The following PARP8 variants were observed in gnomAD, a reference collection of about 807,000 sequenced individuals.
PARP8 encodes the protein poly(ADP-ribose) polymerase family member 8.
Under a neutral mutation model 124.1 loss-of-function variants are expected in PARP8, and 51 were observed. The observed-to-expected ratio is 0.41, with a 90% CI of 0.33 to 0.52. PARP8 has a LOEUF of 0.52. Among genes scored for constraint, PARP8 ranks in the 20% least tolerant of loss-of-function variants. The probability of loss-of-function intolerance (pLI) is 0.21; values close to 1 mark genes in which losing one functional copy is unlikely to be tolerated. For synonymous variants in PARP8, 391 were observed against 361.5 expected (o/e 1.08, Z -0.93); for missense variants, 860 against 1,018.9 (o/e 0.84, Z 2.12).
intron 2 of PARP8, among the ~76,000 whole-genome samples, chr5:50,687,361 A>G (rs1001536734): frequency 3.3e-5 from 5 of 152,174 alleles, no homozygotes; most frequent in African/African-American, 9.7e-5. Context: ...TTTATTGTCC[A>G]TATTGCTATC....
At chr5:50,700,555 G>T (rs1033040373) in intron 2 of PARP8, among the ~76,000 whole-genome samples, 1 of 152,170 alleles carries the variant, frequency 6.6e-6, no homozygotes, top group African/African-American at 2.4e-5. Context: ...CTGTAATGCA[G>T]TGAAATTGGA....
intron 2 of PARP8, among the ~76,000 whole-genome samples, chr5:50,736,850 G>T (rs1561307099): frequency 6.6e-6 from 1 of 152,020 alleles, no homozygotes; most frequent in Non-Finnish European, 1.5e-5. Flanking sequence ...CAAAAAACCT[G>T]CAGTGAGAGT....
intron 2 of PARP8, among the ~76,000 whole-genome samples, chr5:50,733,378 A>G (rs555583708): frequency 2.0e-5 from 3 of 152,294 alleles, no homozygotes; most frequent in East Asian, 3.9e-4. Context: ...CTTGACTTTT[A>G]AAAACTGAAA....
chr5:50,778,667 T>C lies in PARP8; in HGVS notation c.670+17T>C, dbSNP rs115606049. ...ATGGCCCAGGTTAGTTTTATTTCTT[T>C]ATTTATTATTTTGAATATTAATTAG... is the stretch of plus-strand genomic sequence containing the variant. On this transcript the variant is annotated intron_variant, in intron 9 of 25. Coordinates refer to ENST00000281631, the MANE Select transcript of PARP8 (RefSeq NM_024615.4). The C allele has an allele frequency of 6.6e-3, 9,998 of 1,519,964 alleles. 46 individuals are homozygous for C. Among genetic ancestry groups the C allele is most frequent in the Non-Finnish European group, 7.6e-3 (8,540 of 1,117,542 alleles). The allele number at this position is 1,519,964 out of a possible 1,614,324, so 94.2% of individuals were successfully genotyped here.
rs921569786 is a variant in PARP8 at position 50,842,980 on chromosome 5, A to G, written c.*912A>G. Reference sequence around the variant, plus strand: ...AAAGACCTCAGAATTTAAAGAAACCATATATATTTTTTATTTACTACAAAA... The same window carrying G: ...AAAGACCTCAGAATTTAAAGAAACCGTATATATTTTTTATTTACTACAAAA... On this transcript the variant is annotated 3_prime_UTR_variant, in exon 26 of 26. Transcript: ENST00000281631. 3.3e-5 allele frequency: 5 copies of G among 151,698 alleles called. No homozygotes were observed. The highest frequency in any genetic ancestry group is 7.4e-5 in the Non-Finnish European group (5 of 67,760). 9.4% of individuals were successfully genotyped at this position (151,698 alleles called of 1,614,324 possible). A position where few individuals can be genotyped will look rare whatever the true frequency, so the allele number is the denominator to read the frequency against.
At chr5:50,755,953 G>A (rs1476168747) in intron 3 of PARP8, among the ~76,000 whole-genome samples, 2 of 151,980 alleles carry the variant, frequency 1.3e-5, no homozygotes, top group Admixed American at 6.5e-5. Flanking sequence ...ATTATGAATG[G>A]GAGTTCACTC....
Position 50,839,188 on chromosome 5 carries a change from A to G in PARP8, c.2463-2778A>G, listed in dbSNP as rs796237140. 5.9e-5 allele frequency among the ~76,000 whole-genome samples: 9 copies of G among 152,148 alleles called. 1 individual carries two copies. The highest frequency in any genetic ancestry group is 2.2e-4 in the African/African-American group (9 of 41,536). On this transcript the variant is annotated intron_variant, in intron 25 of 25. Transcript: ENST00000281631. ...TCCTAGTTTCTATTATTTTTAAAGC[A>G]AATTGGTTAATTTTTCGTTAAAATT... is the stretch of plus-strand genomic sequence containing the variant.
chr5:50,666,043 A>G (rs1386129362), upstream of PARP8: 1 of 152,164 alleles, frequency 6.6e-6, no homozygotes, highest in African/African-American at 2.4e-5. Flanking sequence ...TTTCTCATGA[A>G]CAGAAACACC....
In PARP8 at chr5:50,829,872, T is replaced by G; in HGVS notation, c.2164-20T>G. On this transcript the variant is annotated intron_variant, in intron 21 of 25. Transcript: ENST00000281631. ...AACCATGAACAGACCTCTCTCTCTC[T>G]CCCACTCTTCCCATCTTAGCTCCAT... 1 of 1,590,478 alleles carries G rather than the reference T, an allele frequency of 6.3e-7. No individual in the cohort carries two copies. The highest frequency in any genetic ancestry group is 8.6e-7 in the Non-Finnish European group (1 of 1,167,176).
intron 14 of PARP8, among the ~76,000 whole-genome samples, chr5:50,801,379 G>A (rs1284170865): frequency 6.6e-6 from 1 of 152,128 alleles, no homozygotes; most frequent in Non-Finnish European, 1.5e-5. Context: ...GATTACAGGC[G>A]TGAGCCACCA....
At chr5:50,702,809 C>T (rs1362951728) in intron 2 of PARP8, among the ~76,000 whole-genome samples, 1 of 152,120 alleles carries the variant, frequency 6.6e-6, no homozygotes, top group Non-Finnish European at 1.5e-5. Flanking sequence ...TAAACACGTC[C>T]GTTACACAGA....
intron 3 of PARP8, among the ~76,000 whole-genome samples, chr5:50,750,427 C>T (rs1163494254): frequency 1.3e-5 from 2 of 151,978 alleles, no homozygotes; most frequent in Non-Finnish European, 2.9e-5. Flanking sequence ...TATGATAGTT[C>T]CAGCCTGTGC....
chr5:50,670,385 A>G (rs1749868319), intron 2 of PARP8, among the ~76,000 whole-genome samples: 1 of 152,258 alleles, frequency 6.6e-6, no homozygotes, highest in Admixed American at 6.5e-5. Context: ...AAAACTTACT[A>G]TACCGTTTTC....
intron 7 of PARP8, among the ~76,000 whole-genome samples, chr5:50,770,639 G>A (rs1363401157): frequency 6.6e-6 from 1 of 150,682 alleles, no homozygotes; most frequent in East Asian, 1.9e-4. Context: ...GAGGGAGGGA[G>A]TAAGGAAGGG....
At chr5:50,713,030 T>C (rs1754935904) in intron 2 of PARP8, among the ~76,000 whole-genome samples, 1 of 152,066 alleles carries the variant, frequency 6.6e-6, no homozygotes. Context: ...AAGTGCCAGA[T>C]GGCTTGACTT....
At chr5:50,677,025 T>A (rs1750711148) in intron 2 of PARP8, among the ~76,000 whole-genome samples, 2 of 152,222 alleles carry the variant, frequency 1.3e-5, no homozygotes, top group African/African-American at 2.4e-5. Context: ...ATCTAAATAC[T>A]CTGTAGCTTT....
At chr5:50,733,821 C>T (rs1757222318) in intron 2 of PARP8, among the ~76,000 whole-genome samples, 1 of 152,120 alleles carries the variant, frequency 6.6e-6, no homozygotes. Context: ...AGATTCCCTA[C>T]AGTTTCTTAC....
intron 1 of PARP8, chr5:50,667,800 G>A: frequency 1.0e-6 from 1 of 977,142 alleles, no homozygotes; most frequent in Non-Finnish European, 1.6e-6. Flanking sequence ...CGCGAGCCCG[G>A]CTGAGGCTGC....
chr5:50,776,269 G>A (rs868194985), intron 7 of PARP8, among the ~76,000 whole-genome samples: 20 of 152,082 alleles, frequency 1.3e-4, no homozygotes, highest in African/African-American at 3.6e-4. Context: ...TTTTTTTAAC[G>A]TGCTATTGAA....
Sources: gnomAD v4.1 joint callset for allele counts (sites outside exome capture counted in the v4.1 genomes callset) on GRCh38, gnomAD v4.1.1 for gene constraint, MANE v1.5 for transcripts, NCBI Gene and HGNC (gene_info 2026-07-23, HGNC 2026-07-21) for gene names.